TMCO5A: variants seen among roughly 807,000 people sequenced by gnomAD.
TMCO5A encodes transmembrane and coiled-coil domain-containing protein 5A.
A neutral mutation model predicts 42.3 loss-of-function variants in TMCO5A; 34 were observed. That is an observed-to-expected ratio of 0.80 (90% CI 0.61 to 1.07). The LOEUF (loss-of-function observed/expected upper bound fraction) is 1.07, where lower values mean the gene tolerates loss of function less well. TMCO5A is among the 50% of genes least tolerant of loss of function. The pLI, the probability that TMCO5A is intolerant of heterozygous loss-of-function variation, is 0.00. For missense variants in TMCO5A, 357 were observed against 327.9 expected, an observed-to-expected ratio of 1.09 and a Z score of -0.69; for synonymous variants, 131 against 115.6, an observed-to-expected ratio of 1.13 and a Z score of -0.86.
the TMCO5A span, among the ~76,000 whole-genome samples, chr15:38,010,425 T>TCTCTCACACACA: frequency 8.5e-6 from 1 of 117,442 alleles, no homozygotes; most frequent in Non-Finnish European, 1.7e-5. Flanking sequence ...CAGAGGGAGA[T>TCTCTCACACACA]CACACACACA....
At position 37,936,957 on chromosome 15, in the gene TMCO5A, A is replaced by G. The variant is rs1220652791; in HGVS notation, c.251A>G (p.Glu84Gly). The part of the protein sequence containing the change: ...RERALQELEE[E>G]TARLERKNKT... ...AGAGCCTTGCAGGAGCTGGAGGAAG[A>G]AACAGCCAGACTTGTAAGCAAGAAG... Residue 84 changes from glutamate (E) to glycine (G), a missense_variant, in exon 4 of 12, where the codon GAA (glutamate) becomes GGA (glycine). Glu to Gly is a moderately conservative substitution (Grantham distance 98). Coordinates refer to ENST00000319669, the MANE Select transcript of TMCO5A (RefSeq NM_152453.4). 6 of 1,612,254 alleles carry G rather than the reference A, an allele frequency of 3.7e-6. No homozygotes were observed. In the South Asian group the frequency reaches 5.5e-5, roughly 15 times the overall value.
chr15:37,942,582 G>T (rs1889786263), intron 9 of TMCO5A: 2 of 225,742 alleles, frequency 8.9e-6, no homozygotes, highest in Non-Finnish European at 1.8e-5. Context: ...GATAAGTAGG[G>T]TATTCCTTAT....
the TMCO5A span, among the ~76,000 whole-genome samples, chr15:38,028,378 C>T: frequency 2.6e-5 from 4 of 152,140 alleles, no homozygotes; most frequent in Admixed American, 6.5e-5. Context: ...GTGCAAGTGA[C>T]CTCAAGAGTG....
the TMCO5A span, chr15:38,040,370 C>T: frequency 6.6e-6 from 1 of 152,284 alleles, no homozygotes; most frequent in Non-Finnish European, 1.5e-5. Flanking sequence ...GTCTTGGAGG[C>T]ATTCTCTAGG....
At chr15:38,036,658 A>G in the TMCO5A span, among the ~76,000 whole-genome samples, 1 of 152,140 alleles carries the variant, frequency 6.6e-6, no homozygotes, top group South Asian at 2.1e-4. Context: ...CCACTCCCTC[A>G]TACATACCTA....
At chr15:38,003,350 C>T in the TMCO5A span, among the ~76,000 whole-genome samples, 2 of 152,120 alleles carry the variant, frequency 1.3e-5, no homozygotes, top group African/African-American at 4.8e-5. Flanking sequence ...GACCCAAAGC[C>T]AGCACTGGGG....
At chr15:37,940,260 C>T (rs4924207) in intron 6 of TMCO5A, among the ~76,000 whole-genome samples, 3,981 of 152,212 alleles carry the variant, frequency 0.026, 70 homozygotes, top group Non-Finnish European at 0.039. Flanking sequence ...GCCACAAGGC[C>T]CTGCACAATC....
rs931792659 is a variant in TMCO5A, at chr15:37,942,178, T to C, written c.505-13T>C. ...TAAGTAGTAACTGTGGCTTTCTTTG[T>C]TTCTCTTTGAAGAAGTACCAGGAAA... is the stretch of plus-strand genomic sequence containing the variant. On this transcript the variant is annotated splice_polypyrimidine_tract_variant and intron_variant, in intron 8 of 11. Coordinates refer to ENST00000319669, the MANE Select transcript of TMCO5A (RefSeq NM_152453.4). The C allele has an allele frequency of 1.2e-6, 2 of 1,611,590 alleles. No homozygotes were observed. Among genetic ancestry groups the C allele is most frequent in the Non-Finnish European group, 1.7e-6 (2 of 1,178,736 alleles).
At chr15:37,969,119 T>C (rs1890626099), downstream of TMCO5A, among the ~76,000 whole-genome samples, 1 of 152,170 alleles carries the variant, frequency 6.6e-6, no homozygotes, top group South Asian at 2.1e-4. Flanking sequence ...GGAGTAATTC[T>C]CCATGTCTAC....
At chr15:37,966,571 A>T in intron 11 of TMCO5A, 1 of 702,552 alleles carries the variant, frequency 1.4e-6, no homozygotes, top group Non-Finnish European at 2.6e-6. Context: ...AGGCTACAGC[A>T]AGAAACCTCA....
At chr15:38,014,335 TG>T in the TMCO5A span, among the ~76,000 whole-genome samples, 1 of 152,190 alleles carries the variant, frequency 6.6e-6, no homozygotes, top group Non-Finnish European at 1.5e-5. Flanking sequence ...CTCCCTGCTC[TG>T]ACCCTGGCTT....
chr15:37,966,756 T>C, exon 12 of TMCO5A: 1 of 700,284 alleles, frequency 1.4e-6, no homozygotes, highest in Non-Finnish European at 2.6e-6. Context: ...GGTCATAAAC[T>C]GGCCTATCTG....
chr15:37,949,656 T>G (rs1189477826), intron 11 of TMCO5A, among the ~76,000 whole-genome samples: 1 of 151,756 alleles, frequency 6.6e-6, no homozygotes, highest in African/African-American at 2.4e-5. Flanking sequence ...ATTGGATCAC[T>G]AAATACAGTA....
chr15:37,969,598 G>T (rs1890634891), downstream of TMCO5A, among the ~76,000 whole-genome samples: 1 of 152,076 alleles, frequency 6.6e-6, no homozygotes, highest in South Asian at 2.1e-4. Context: ...GTGCTTGTTT[G>T]CTATATAGGT....
the TMCO5A span, among the ~76,000 whole-genome samples, chr15:38,030,342 ACTT>A: frequency 6.6e-6 from 1 of 152,160 alleles, no homozygotes; most frequent in African/African-American, 2.4e-5. Context: ...ATTACCCTAG[ACTT>A]CTTCATCGCC....
At chr15:38,020,147 T>C in the TMCO5A span, 15 of 152,062 alleles carry the variant, frequency 9.9e-5, no homozygotes, top group African/African-American at 3.6e-4. Flanking sequence ...TGCACCACCA[T>C]ACTTGGCTAA....
At chr15:37,973,942 G>A in the TMCO5A span, among the ~76,000 whole-genome samples, 1 of 152,004 alleles carries the variant, frequency 6.6e-6, no homozygotes, top group Non-Finnish European at 1.5e-5. Flanking sequence ...TTCCTTCATT[G>A]CCTAGTGTAT....
rs1286468034 is a variant in TMCO5A at position 37,937,337 on chromosome 15, C to T, written c.265-9C>T. On this transcript the variant is annotated splice_polypyrimidine_tract_variant and intron_variant, in intron 4 of 11. Transcript: ENST00000319669. ...GAGGCAGATTTACACTGTTATTTCT[C>T]TCTCACAGGAAAGGAAGAATAAGAC... 6.2e-7 allele frequency: 1 copy of T among 1,612,924 alleles called. No homozygotes were observed. Among genetic ancestry groups the T allele is most frequent in the Non-Finnish European group, 8.5e-7 (1 of 1,179,268 alleles).
the TMCO5A span, among the ~76,000 whole-genome samples, chr15:37,996,987 G>A: frequency 1.3e-5 from 2 of 152,164 alleles, no homozygotes; most frequent in South Asian, 2.1e-4. Flanking sequence ...AGGAAGAAAC[G>A]ACTGAAGGAA....
Sources: allele counts gnomAD v4.1 joint callset (sites outside exome capture counted in the v4.1 genomes callset), GRCh38; gene constraint gnomAD v4.1.1; transcripts MANE v1.5; gene names NCBI Gene and HGNC (gene_info 2026-07-23, HGNC 2026-07-21).